Variants in PRAG1 observed in about 807,000 individuals in gnomAD.
PRAG1 encodes inactive tyrosine-protein kinase PRAG1.
PRAG1 carries 110 observed loss-of-function variants against 95.6 expected under a neutral mutation model. The observed-to-expected ratio is 1.15, with a 90% CI of 0.99 to 1.35. The LOEUF is 1.35. Ranked by LOEUF, PRAG1 falls within the 40% of genes most tolerant of loss-of-function variation. The pLI is 0.00. For missense variants in PRAG1, 2,554 were observed against 1,864.7 expected, an observed-to-expected ratio of 1.37 and a Z score of -6.81; for synonymous variants, 1,052 against 819.4, an observed-to-expected ratio of 1.28 and a Z score of -4.85.
intron 5 of PRAG1, among the ~76,000 whole-genome samples, chr8:8,320,824 G>T (rs1407486766): frequency 6.6e-6 from 1 of 152,182 alleles, no homozygotes; most frequent in African/African-American, 2.4e-5. Flanking sequence ...CCTTTTCACG[G>T]AGATTTATTT....
rs1379753304 is a variant in PRAG1 at position 8,328,296 on chromosome 8, T to TCCGGTGAAGAGGCTGC, written c.2470_2485dup (p.Asp829GlyfsTer40). 3 of 1,612,310 alleles carry TCCGGTGAAGAGGCTGC rather than the reference T, an allele frequency of 1.9e-6. No homozygotes were observed. In the African/African-American group the frequency reaches 4.0e-5, roughly 22 times the overall value. On this transcript the variant is annotated frameshift_variant, in exon 5 of 6. Transcript: ENST00000615670. LOFTEE classifies it high-confidence loss of function. ...GGAGCCTTGGGTCCAGAAGAAGCCA[T>TCCGGTGAAGAGGCTGC]CCGGTGAAGAGGCTGCCCGGCTCAC... is the stretch of plus-strand genomic sequence containing the variant.
chr8:8,355,429 G>A (rs1466732018), intron 3 of PRAG1, among the ~76,000 whole-genome samples: 1 of 151,830 alleles, frequency 6.6e-6, no homozygotes, highest in African/African-American at 2.4e-5. Flanking sequence ...AATTCATATG[G>A]AATGACAAAA....
intron 3 of PRAG1, among the ~76,000 whole-genome samples, chr8:8,349,332 G>C (rs966208543): frequency 2.6e-5 from 4 of 151,810 alleles, no homozygotes; most frequent in African/African-American, 9.7e-5. Context: ...CCAGGCTGGA[G>C]TGCAGTGGCA....
chr8:8,335,078 G>A (rs1798946350), intron 4 of PRAG1, among the ~76,000 whole-genome samples: 1 of 151,884 alleles, frequency 6.6e-6, no homozygotes. Context: ...AAAAAAAAAG[G>A]CACTTTTCAG....
At position 8,318,258 on chromosome 8, in the gene PRAG1, G is replaced by A. The variant is rs750014060; in HGVS notation, c.4117C>T (p.Arg1373Cys). ...TCCTCCAGCTCCACGCCCCGCCTGC[G>A]ATCCACCGCCTTCTCCGCAAACTTC... ...MMKFAEKAVD[R>C]RRGVELEDWL... is the part of the protein sequence containing the mutation. The change falls in exon 6 of 6, where the codon CGC (arginine) becomes TGC (cysteine). Residue 1373 changes from arginine to cysteine, a missense_variant. Transcript: ENST00000615670. The surrounding 1 kb of genome is among the most constrained non-coding windows in gnomAD (Gnocchi z 4.2). 7 of 1,614,152 alleles carry A rather than the reference G, an allele frequency of 4.3e-6. No homozygotes were observed. Among genetic ancestry groups the A allele is most frequent in the East Asian group, 2.2e-5 (1 of 44,878 alleles).
chr8:8,328,998 C>A (rs1159117385), intron 4 of PRAG1, among the ~76,000 whole-genome samples: 2 of 152,140 alleles, frequency 1.3e-5, no homozygotes, highest in African/African-American at 4.8e-5. Context: ...CAATATTTTG[C>A]AAACAATGCT....
Position 8,318,032 on chromosome 8 carries a change from A to T in PRAG1, c.*122T>A. The T allele has an allele frequency of 2.5e-6, 2 of 800,482 alleles. No homozygotes were observed. The highest frequency in any genetic ancestry group is 1.7e-5 in the African/African-American group (1 of 57,352). The allele number at this position is 800,482 out of a possible 1,614,324, so 49.6% of individuals were successfully genotyped here. ...GTATTTTCTATATATATATTTATAT[A>T]TTTTACATCCAGGTATCCCAGTCAT... On this transcript the variant is annotated 3_prime_UTR_variant, in exon 6 of 6. Transcript: ENST00000615670. The surrounding 1 kb of genome is among the most constrained non-coding windows in gnomAD (Gnocchi z 4.2).
intron 4 of PRAG1, among the ~76,000 whole-genome samples, chr8:8,328,731 T>C (rs1178546411): frequency 2.6e-5 from 4 of 152,198 alleles, no homozygotes; most frequent in Admixed American, 2.0e-4. Flanking sequence ...TAGTGTTTCA[T>C]GCATCCCTCC....
chr8:8,320,196 C>G (rs1294881969), intron 5 of PRAG1, among the ~76,000 whole-genome samples: 1 of 152,214 alleles, frequency 6.6e-6, no homozygotes, highest in African/African-American at 2.4e-5. Flanking sequence ...AGCAGCCTCA[C>G]TTCCCACATA....
intron 3 of PRAG1, among the ~76,000 whole-genome samples, chr8:8,348,531 T>C (rs1391175779): frequency 6.6e-6 from 1 of 152,126 alleles, no homozygotes; most frequent in Non-Finnish European, 1.5e-5. Context: ...TTTCCCCTCC[T>C]AAATCCTCTG....
chr8:8,371,075 G>T (rs957412064), intron 3 of PRAG1, among the ~76,000 whole-genome samples: 3 of 148,292 alleles, frequency 2.0e-5, no homozygotes, highest in Non-Finnish European at 4.5e-5. Flanking sequence ...GGCGGAGGTT[G>T]CAGTAAGGCA....
intron 1 of PRAG1, among the ~76,000 whole-genome samples, chr8:8,382,195 GTAT>G (rs1237756170): frequency 2.0e-5 from 3 of 152,180 alleles, no homozygotes; most frequent in Non-Finnish European, 4.4e-5. Flanking sequence ...CGTCATCCAT[GTAT>G]TCCCTGACAC....
chr8:8,320,954 G>T (rs1218166875), intron 5 of PRAG1, among the ~76,000 whole-genome samples: 1 of 152,190 alleles, frequency 6.6e-6, no homozygotes, highest in East Asian at 1.9e-4. Context: ...TTAGTAATCT[G>T]TCTATTATAA....
At chr8:8,367,458 CAAAAAAAAAAAAAAAAAAAAAAAA>C (rs1158165514) in intron 3 of PRAG1, among the ~76,000 whole-genome samples, 61 of 26,254 alleles carry the variant, frequency 2.3e-3, no homozygotes, top group African/African-American at 9.1e-3. Flanking sequence ...GACTCCATCT[CAAAAAAAAAAAAAAAAAAAAAAAA>C]AAAAAAAAAA....
At chr8:8,327,684 G>C (rs1297987580) in intron 5 of PRAG1, 26 bp downstream of exon 5, 2 of 1,587,088 alleles carry the variant, frequency 1.3e-6, no homozygotes, top group Non-Finnish European at 1.7e-6. Flanking sequence ...TGGCACAGCA[G>C]AATGCAAGGA....
intron 3 of PRAG1, among the ~76,000 whole-genome samples, chr8:8,367,389 C>G (rs567639679): frequency 1.6e-5 from 2 of 125,886 alleles, no homozygotes; most frequent in South Asian, 2.9e-4. Flanking sequence ...ACCCGGGAGG[C>G]AGAGGTTGCA....
intron 4 of PRAG1, among the ~76,000 whole-genome samples, chr8:8,335,557 G>C (rs891439209): frequency 6.6e-6 from 1 of 151,584 alleles, no homozygotes; most frequent in Non-Finnish European, 1.5e-5. Flanking sequence ...TAAAAAAAAA[G>C]TATTGACTTT....
chr8:8,341,801 T>C (rs1410607910), intron 3 of PRAG1, among the ~76,000 whole-genome samples: 2 of 152,236 alleles, frequency 1.3e-5, no homozygotes, highest in Non-Finnish European at 2.9e-5. Context: ...TTTCTTGTCC[T>C]GTCCTTGTCC....
At position 8,381,638 on chromosome 8, in the gene PRAG1, C is replaced by T. The variant is rs151137026; in HGVS notation, c.110G>A (p.Arg37Gln). 2.0e-4 allele frequency: 321 copies of T among 1,613,862 alleles called. No individual in the cohort carries two copies. Among genetic ancestry groups the T allele is most frequent in the Middle Eastern group, 3.3e-4 (2 of 6,060 alleles). The change falls in exon 2 of 6, where the codon CGG becomes CAG. Residue 37 changes from arginine to glutamine, a missense_variant. By Grantham distance (43) the Arg-to-Gln change is conservative. Transcript: ENST00000615670. ...GCCGGCCACCAGCTGGTGGTCGCTC[C>T]GCAGGCAGAAGCAGTTCTTGCAGGA... is the stretch of plus-strand genomic sequence containing the variant. ...PGSCKNCFCL[R>Q]SDHQLVAGPP...
Sources: gnomAD v4.1 joint callset for allele counts (sites outside exome capture counted in the v4.1 genomes callset) on GRCh38, gnomAD v4.1.1 for gene constraint, Gnocchi (gnomAD v3.1) non-coding constraint, MANE v1.5 for transcripts, NCBI Gene and HGNC (gene_info 2026-07-23, HGNC 2026-07-21) for gene names.